Variants in PLXNA4 observed in about 807,000 individuals in gnomAD.
The protein encoded by PLXNA4 is plexin A4.
PLXNA4 carries 44 observed loss-of-function variants against 191.8 expected under a neutral mutation model. The observed-to-expected ratio is 0.23, with a 90% confidence interval of 0.18 to 0.29. The LOEUF is 0.29. PLXNA4 is among the 10% of genes least tolerant of loss of function. The pLI is 1.00. For synonymous variants in PLXNA4, 1,082 were observed against 1,009.5 expected, an observed-to-expected ratio of 1.07 and a Z score of -1.36; for missense variants, 1,800 against 2,488.8, an observed-to-expected ratio of 0.72 and a Z score of 5.89.
At chr7:132,447,410 G>A (rs935195657) in intron 3 of PLXNA4, among the ~76,000 whole-genome samples, 1 of 152,174 alleles carries the variant, frequency 6.6e-6, no homozygotes, top group African/African-American at 2.4e-5. Flanking sequence ...GGTGAATTTT[G>A]ATCTCCTAAG....
chr7:132,180,802 C>T (rs1796679126), intron 18 of PLXNA4, 70 bp from the exon 19 acceptor site: 3 of 1,570,590 alleles, frequency 1.9e-6, no homozygotes, highest in Non-Finnish European at 2.6e-6. Context: ...GCTCTCATGT[C>T]CTCCCACCTG....
intron 4 of PLXNA4, among the ~76,000 whole-genome samples, chr7:132,295,783 C>T (rs1801055877): frequency 6.6e-6 from 1 of 152,168 alleles, no homozygotes; most frequent in African/African-American, 2.4e-5. Context: ...CTGGAAACTC[C>T]TGTCACAGAG....
chr7:132,559,807 A>C (rs1187255775), intron 1 of PLXNA4, among the ~76,000 whole-genome samples: 1 of 152,140 alleles, frequency 6.6e-6, no homozygotes, highest in Non-Finnish European at 1.5e-5. Context: ...TAACCCATTC[A>C]TTTTTTCCCC....
At chr7:132,638,809 C>G (rs1338883113) in intron 2 of PLXNA4, among the ~76,000 whole-genome samples, 1 of 152,088 alleles carries the variant, frequency 6.6e-6, no homozygotes, top group Non-Finnish European at 1.5e-5. Flanking sequence ...TTAGAGGGAG[C>G]AAGACATGCT....
In PLXNA4 at chr7:132,124,666, G is replaced by C. The variant is rs1271429924; in HGVS notation, c.*5813C>G. 2.6e-5 allele frequency: 4 copies of C among 152,220 alleles called. No homozygotes were observed. The highest frequency in any genetic ancestry group is 9.6e-5 in the African/African-American group (4 of 41,462). The allele number at this position is 152,220 out of a possible 1,614,324, so 9.4% of individuals were successfully genotyped here. A position where few individuals can be genotyped will look rare whatever the true frequency, so the allele number is the denominator to read the frequency against. ...CCATCCCTCACAGAGCCTCCTTAAA[G>C]TTTGAGGAAAGCTGATAAGAGATGT... On this transcript the variant is annotated 3_prime_UTR_variant, in exon 32 of 32. Transcript: ENST00000321063.
At chr7:132,485,893 C>T (rs1211410557) in intron 3 of PLXNA4, among the ~76,000 whole-genome samples, 1 of 152,084 alleles carries the variant, frequency 6.6e-6, no homozygotes, top group Non-Finnish European at 1.5e-5. Context: ...AAATTACGGT[C>T]GTCAAAGACA....
At chr7:132,496,457 A>C (rs1258979902) in intron 2 of PLXNA4, among the ~76,000 whole-genome samples, 1 of 152,140 alleles carries the variant, frequency 6.6e-6, no homozygotes, top group Non-Finnish European at 1.5e-5. Context: ...GGTGGAATGC[A>C]GTGGCACAAT....
chr7:132,409,957 C>T (rs945573933), intron 3 of PLXNA4, among the ~76,000 whole-genome samples: 14 of 152,200 alleles, frequency 9.2e-5, no homozygotes, highest in African/African-American at 3.4e-4. Context: ...TCTTTGTGCC[C>T]TTGAAGTTTA....
chr7:132,518,789 T>G (rs886717910), intron 1 of PLXNA4, among the ~76,000 whole-genome samples: 1 of 152,168 alleles, frequency 6.6e-6, no homozygotes, highest in Non-Finnish European at 1.5e-5. Flanking sequence ...TCAGAGATCA[T>G]GTCCCAGCCG....
chr7:132,465,460 T>C (rs1238432042), intron 3 of PLXNA4, among the ~76,000 whole-genome samples: 1 of 152,232 alleles, frequency 6.6e-6, no homozygotes, highest in Non-Finnish European at 1.5e-5. Flanking sequence ...CTTATAAGAA[T>C]CCAGGGAAAG....
At chr7:132,645,126 C>T (rs1378226480) in intron 2 of PLXNA4, among the ~76,000 whole-genome samples, 1 of 152,222 alleles carries the variant, frequency 6.6e-6, no homozygotes, top group Non-Finnish European at 1.5e-5. Context: ...CCATTAAGAA[C>T]CTACAATGTA....
chr7:132,424,920 C>T (rs1794988012), intron 3 of PLXNA4, among the ~76,000 whole-genome samples: 2 of 152,240 alleles, frequency 1.3e-5, no homozygotes, highest in African/African-American at 2.4e-5. Context: ...GCTCACCCAT[C>T]CTCCCAGGAA....
intron 16 of PLXNA4, among the ~76,000 whole-genome samples, chr7:132,182,778 C>T (rs1389723245): frequency 1.3e-5 from 2 of 152,190 alleles, no homozygotes; most frequent in African/African-American, 4.8e-5. Context: ...ACTCGGGTCT[C>T]CTGTACCCTG....
At chr7:132,515,183 C>T (rs1228589587) in intron 1 of PLXNA4, among the ~76,000 whole-genome samples, 4 of 152,242 alleles carry the variant, frequency 2.6e-5, no homozygotes, top group Admixed American at 6.5e-5. Context: ...GCCTAAGAAC[C>T]GCTAGTGCCA....
intron 3 of PLXNA4, among the ~76,000 whole-genome samples, chr7:132,458,214 C>T (rs1796378309): frequency 6.6e-6 from 1 of 151,932 alleles, no homozygotes; most frequent in Admixed American, 6.6e-5. Flanking sequence ...AACCAGCCTA[C>T]TAGAACCAAA....
chr7:132,420,228 C>T (rs559824924), intron 3 of PLXNA4, among the ~76,000 whole-genome samples: 1 of 152,342 alleles, frequency 6.6e-6, no homozygotes, highest in South Asian at 2.1e-4. Flanking sequence ...TCTCTGTTCC[C>T]CTGAACTGTG....
chr7:132,472,037 C>T (rs1237913355), intron 3 of PLXNA4, among the ~76,000 whole-genome samples: 1 of 152,226 alleles, frequency 6.6e-6, no homozygotes, highest in Admixed American at 6.5e-5. Context: ...TTTCTCGGAA[C>T]TTGTACTCTG....
upstream of PLXNA4, chr7:132,576,557 C>T: frequency 1.0e-6 from 1 of 986,102 alleles, no homozygotes; most frequent in Non-Finnish European, 1.2e-6. The surrounding 1 kb of genome is among the most constrained non-coding windows in gnomAD (Gnocchi z 5.8). Flanking sequence ...GCCCCAGCCC[C>T]GAACGCAAAT....
Position 132,223,530 on chromosome 7 carries a change from G to T in PLXNA4, c.2094C>A (p.Pro698=). The T allele has an allele frequency of 6.2e-7, 1 of 1,611,838 alleles. No homozygotes were observed. The highest frequency in any genetic ancestry group is 1.1e-5 in the South Asian group (1 of 90,518). ...CSFQEGRVKL[P]EDCPQLLRVD... The stretch of plus-strand genomic sequence containing the variant: ...ACTCTGGCTGCCAGGGACCTACCTC[G>T]GGCAGCTTCACTCGGCCTTCCTGGA... The change falls in exon 9 of 32, where the codon CCC becomes CCA. Residue 698 remains proline (P), a synonymous_variant. Coordinates refer to ENST00000321063, the MANE Select transcript of PLXNA4 (RefSeq NM_020911.2).
Sources: allele counts gnomAD v4.1 joint callset (sites outside exome capture counted in the v4.1 genomes callset), GRCh38; gene constraint gnomAD v4.1.1; non-coding constraint Gnocchi (gnomAD v3.1); transcripts MANE v1.5; gene names NCBI Gene and HGNC (gene_info 2026-07-23, HGNC 2026-07-21).